Variants in RFC5 observed in about 807,000 individuals in gnomAD.
RFC5 encodes the protein replication factor C subunit 5.
RFC5 carries 26 observed loss-of-function variants against 44.3 expected under a neutral mutation model. That is an observed-to-expected ratio of 0.59 (90% CI 0.43 to 0.81). The LOEUF (loss-of-function observed/expected upper bound fraction) is 0.81, where lower values mean the gene tolerates loss of function less well. RFC5 is among the 40% of genes least tolerant of loss of function. The probability of loss-of-function intolerance (pLI) is 0.00; values close to 1 mark genes in which losing one functional copy is unlikely to be tolerated. For missense variants in RFC5, 328 were observed against 418.6 expected, an observed-to-expected ratio of 0.78 and a Z score of 1.89; for synonymous variants, 155 against 155.2, an observed-to-expected ratio of 1.00 and a Z score of 0.01.
chr12:118,018,004 A>G, intron 1 of RFC5: 1 of 701,724 alleles, frequency 1.4e-6, no homozygotes. Context: ...GCCCCTGGCA[A>G]CCACTAATCT....
the RFC5 span, chr12:118,038,471 G>GC: frequency 1.2e-4 from 155 of 1,305,106 alleles, no homozygotes; most frequent in African/African-American, 2.0e-3. Context: ...GGTGGTAACA[G>GC]CCCCCAGCCC....
In RFC5 at chr12:118,028,045, C is replaced by G; in HGVS notation, c.871+15C>G. ...TGTGCATAGAGGTAACTTACATTAT[C>G]CCCCAGCTGAGAAGCTGTGGAGAAG... On this transcript the variant is annotated intron_variant, in intron 9 of 10. Transcript: ENST00000454402. 1.9e-6 allele frequency: 3 copies of G among 1,540,440 alleles called. No homozygotes were observed. The highest frequency in any genetic ancestry group is 2.7e-6 in the Non-Finnish European group (3 of 1,114,882).
chr12:118,019,699 G>A lies in RFC5; in HGVS notation c.198G>A (p.Lys66=), dbSNP rs772939383. 6.2e-7 allele frequency: 1 copy of A among 1,614,046 alleles called. No homozygotes were observed. Among genetic ancestry groups the A allele is most frequent in the Non-Finnish European group, 8.5e-7 (1 of 1,179,944 alleles). The part of the protein sequence containing the change: ...LLLYGPPGTG[K]TSTILACAKQ... ...TCTACGGTCCCCCAGGGACAGGCAA[G>A]ACATCTACCATCCTAGCCTGTGCGA... Residue 66 remains lysine, a synonymous_variant, in exon 3 of 11, where the codon AAG becomes AAA. Coordinates refer to ENST00000454402, the MANE Select transcript of RFC5 (RefSeq NM_007370.7). This position sits in a 1 kb window ranked among gnomAD's most constrained non-coding sequence, Gnocchi z 4.2.
At chr12:118,037,040 G>A (rs1446513549), downstream of RFC5, among the ~76,000 whole-genome samples, 3 of 152,124 alleles carry the variant, frequency 2.0e-5, no homozygotes, top group African/African-American at 4.8e-5. Flanking sequence ...AAATTAGCCA[G>A]GCATGGTGGT....
chr12:118,029,623 C>A, intron 9 of RFC5, 148 bp from the exon 10 acceptor site: 1 of 727,414 alleles, frequency 1.4e-6, no homozygotes, highest in African/African-American at 1.8e-5. Context: ...ACTGTTTCTA[C>A]TTTCTTAGAG....
intron 9 of RFC5, among the ~76,000 whole-genome samples, chr12:118,029,090 C>T (rs2031149438): frequency 6.6e-6 from 1 of 152,246 alleles, no homozygotes; most frequent in Non-Finnish European, 1.5e-5. Context: ...TGAGCATAAA[C>T]CAACTTTAAA....
chr12:118,018,001 G>A, intron 1 of RFC5: 1 of 701,272 alleles, frequency 1.4e-6, no homozygotes, highest in Non-Finnish European at 2.6e-6. Flanking sequence ...CTAGCCCCTG[G>A]CAACCACTAA....
At chr12:118,038,136 C>A in the RFC5 span, 1 of 602,688 alleles carries the variant, frequency 1.7e-6, no homozygotes, top group Non-Finnish European at 2.8e-6. Context: ...GTGCAAGTCA[C>A]AAGGGACTTT....
chr12:118,016,962 G>A, intron 1 of RFC5, 70 bp downstream of exon 1: 4 of 1,301,670 alleles, frequency 3.1e-6, no homozygotes, highest in East Asian at 2.4e-5. Flanking sequence ...AGGTGGCTGG[G>A]GTGGCAGGTG....
Position 118,016,862 on chromosome 12 carries a change from C to T in RFC5, c.35C>T (p.Pro12Leu). The T allele has an allele frequency of 1.2e-6, 2 of 1,613,540 alleles. No homozygotes were observed. Among genetic ancestry groups the T allele is most frequent in the South Asian group, 1.1e-5 (1 of 91,030 alleles). ...TCAGCACTCAAGCAGCAGGAGCAGC[C>T]CGCGGCGACCAAGATCAGGAACCTG... ...ETSALKQQEQ[P>L]AATKIRNLPW... The change falls in exon 1 of 11, where the codon CCC (proline) becomes CTC (leucine). Residue 12 changes from proline to leucine, a missense_variant. Pro to Leu is a moderately conservative substitution (Grantham distance 98, BLOSUM62 -3). Transcript: ENST00000454402.
Position 118,019,120 on chromosome 12 carries a change from G to C in RFC5, c.114G>C (p.Gln38His). ...PQTLNDLISH[Q>H]DILSTIQKFI... ...CCCTGAATGATCTCATTTCTCATCA[G>C]GACATTCTGAGTACCAGTAAGTATT... is the stretch of plus-strand genomic sequence containing the variant. Residue 38 changes from glutamine (Q) to histidine (H), a missense_variant, in exon 2 of 11, where the codon CAG (glutamine) becomes CAC (histidine). By Grantham distance (24) the Gln-to-His change is conservative. Coordinates refer to ENST00000454402, the MANE Select transcript of RFC5 (RefSeq NM_007370.7). This position sits in a 1 kb window ranked among gnomAD's most constrained non-coding sequence, Gnocchi z 4.2. 1 of 1,612,796 alleles carries C rather than the reference G, an allele frequency of 6.2e-7. No individual in the cohort carries two copies. The highest frequency in any genetic ancestry group is 8.5e-7 in the Non-Finnish European group (1 of 1,178,988).
At position 118,029,797 on chromosome 12, in the gene RFC5, C is replaced by A. The variant is rs1233862481; in HGVS notation, c.898C>A (p.His300Asn). ...TGACTTTCCATCTTCAGTTCGAATA[C>A]ATTTATTGACCAAAATGGCAGACAT... ...RVDFPSSVRI[H>N]LLTKMADIEY... The change falls in exon 10 of 11, where the codon CAT becomes AAT. Residue 300 changes from histidine to asparagine, a missense_variant. Physicochemically the swap from His to Asn is moderately conservative, Grantham distance 68 (BLOSUM62 1). Transcript: ENST00000454402. 6.2e-7 allele frequency: 1 copy of A among 1,610,164 alleles called. No individual in the cohort carries two copies. Among genetic ancestry groups the A allele is most frequent in the Admixed American group, 1.7e-5 (1 of 60,010 alleles).
intron 9 of RFC5, 132 bp downstream of exon 9, chr12:118,028,162 T>G (rs2031079247): frequency 1.5e-6 from 1 of 660,134 alleles, no homozygotes; most frequent in Non-Finnish European, 2.7e-6. Context: ...CCCTTCTTGT[T>G]AGCAGTTCTG....
At chr12:118,025,937 C>T in intron 7 of RFC5, 109 bp downstream of exon 7, 1 of 677,840 alleles carries the variant, frequency 1.5e-6, no homozygotes, top group East Asian at 2.7e-5. Flanking sequence ...CAACCTCCGC[C>T]TCCTGGGTTC....
the RFC5 span, among the ~76,000 whole-genome samples, chr12:118,040,177 A>C: frequency 6.6e-6 from 1 of 152,048 alleles, no homozygotes; most frequent in African/African-American, 2.4e-5. Flanking sequence ...TGTCTCAAAA[A>C]ATAAAGGTCA....
intron 8 of RFC5, chr12:118,027,262 G>A (rs5745872): frequency 2.1e-6 from 1 of 477,714 alleles, no homozygotes; most frequent in Non-Finnish European, 3.8e-6. Context: ...ACTCACAGAT[G>A]GGAGAAAAGC....
the RFC5 span, among the ~76,000 whole-genome samples, chr12:118,041,051 G>GA: frequency 6.6e-6 from 1 of 152,114 alleles, no homozygotes; most frequent in African/African-American, 2.4e-5. Context: ...TCCGTCTCAA[G>GA]AAAAAACAAA....
At position 118,029,783 on chromosome 12, in the gene RFC5, C is replaced by G. The variant is rs779555138; in HGVS notation, c.884C>G (p.Ser295Cys). The change falls in exon 10 of 11, where the codon TCT becomes TGT. Residue 295 changes from serine to cysteine, a missense_variant. Coordinates refer to ENST00000454402, the MANE Select transcript of RFC5 (RefSeq NM_007370.7). ...GTTTTTCCCTCAGTTGACTTTCCAT[C>G]TTCAGTTCGAATACATTTATTGACC... ...HLFVHRVDFP[S>C]SVRIHLLTKM... 6.2e-6 allele frequency: 10 copies of G among 1,609,434 alleles called. No individual in the cohort carries two copies. In the South Asian group the frequency reaches 1.1e-4, roughly 18 times the overall value.
chr12:118,024,370 C>T (rs914383254), intron 5 of RFC5, among the ~76,000 whole-genome samples: 1 of 151,698 alleles, frequency 6.6e-6, no homozygotes, highest in Non-Finnish European at 1.5e-5. Context: ...TGGCTAATCT[C>T]TGATCTGAAC....
Sources: allele counts gnomAD v4.1 joint callset (sites outside exome capture counted in the v4.1 genomes callset), GRCh38; gene constraint gnomAD v4.1.1; non-coding constraint Gnocchi (gnomAD v3.1); transcripts MANE v1.5; gene names NCBI Gene and HGNC (gene_info 2026-07-23, HGNC 2026-07-21).